EPHB1: variants seen among roughly 807,000 people sequenced by gnomAD.
EPHB1 encodes ephrin type-B receptor 1.
In EPHB1, 30 loss-of-function variants were observed where a neutral mutation model predicts 94.4. The ratio of observed to expected loss-of-function variants is 0.32; its 90% CI spans 0.24 to 0.43. The LOEUF is 0.43. EPHB1 is among the 20% of genes least tolerant of loss of function. EPHB1 has a pLI of 1.00. For synonymous variants in EPHB1, 522 were observed against 489.1 expected, an observed-to-expected ratio of 1.07 and a Z score of -0.89; for missense variants, 1,055 against 1,308.3, an observed-to-expected ratio of 0.81 and a Z score of 2.99.
At chr3:135,241,593 C>G (rs1402778693) in intron 13 of EPHB1, among the ~76,000 whole-genome samples, 1 of 152,164 alleles carries the variant, frequency 6.6e-6, no homozygotes, top group African/African-American at 2.4e-5. Flanking sequence ...TAGATCAGCC[C>G]CAAATTAAGC....
chr3:135,064,965 A>T (rs144143659), intron 3 of EPHB1, among the ~76,000 whole-genome samples: 1 of 152,076 alleles, frequency 6.6e-6, no homozygotes, highest in African/African-American at 2.4e-5. Flanking sequence ...TTTTGACCCA[A>T]TGCTCATTCA....
intron 3 of EPHB1, among the ~76,000 whole-genome samples, chr3:135,071,352 A>G (rs925335570): frequency 6.6e-6 from 1 of 152,236 alleles, no homozygotes; most frequent in Non-Finnish European, 1.5e-5. Flanking sequence ...AGACAGGTAC[A>G]GATTTGGGAG....
chr3:135,149,352 G>A (rs895915098), intron 5 of EPHB1, among the ~76,000 whole-genome samples: 5 of 152,156 alleles, frequency 3.3e-5, no homozygotes, highest in Non-Finnish European at 7.4e-5. Flanking sequence ...CTTCATCTGA[G>A]GAATATAGAG....
At chr3:134,858,023 C>A (rs1056414197) in intron 1 of EPHB1, among the ~76,000 whole-genome samples, 1 of 152,168 alleles carries the variant, frequency 6.6e-6, no homozygotes, top group African/African-American at 2.4e-5. Context: ...AAGCATGGCA[C>A]CACCTTAGCA....
At chr3:134,807,557 A>G (rs1157535055) in intron 1 of EPHB1, among the ~76,000 whole-genome samples, 1 of 147,890 alleles carries the variant, frequency 6.8e-6, no homozygotes, top group Non-Finnish European at 1.5e-5. Flanking sequence ...GAGAGGGGAG[A>G]GAGAGAGAGA....
At chr3:135,251,975 G>C (rs1452814062) in intron 15 of EPHB1, among the ~76,000 whole-genome samples, 1 of 152,078 alleles carries the variant, frequency 6.6e-6, no homozygotes, top group Non-Finnish European at 1.5e-5. Context: ...GTGTGACCTT[G>C]AGCACATTAC....
rs77586222 is a variant in EPHB1, at chr3:135,180,795, G to A, written c.1882+813G>A. On this transcript the variant is annotated intron_variant, in intron 10 of 15. Coordinates refer to ENST00000398015, the MANE Select transcript of EPHB1 (RefSeq NM_004441.5). ...TCACTAAAAGAAATCTCATTCCTGC[G>A]TCTTATGAACCTTTTTAAAAGATGT... is the stretch of plus-strand genomic sequence containing the variant. Among the ~76,000 whole-genome samples, 753 of 152,240 alleles carry A rather than the reference G, an allele frequency of 4.9e-3. 7 individuals are homozygous for A. Among genetic ancestry groups the A allele is most frequent in the African/African-American group, 0.017 (690 of 41,548 alleles).
rs536029159 is a variant in EPHB1, at chr3:134,925,861, C to G, written c.104C>G (p.Thr35Arg). ...TRTATAELGW[T>R]ANPASGWEEV... ...ACGGCTACTGCAGAGCTGGGCTGGACGGCCAATCCTGCGTCCGGGGTGAGT... is the reference window on the plus strand; with the variant it reads ...ACGGCTACTGCAGAGCTGGGCTGGAGGGCCAATCCTGCGTCCGGGGTGAGT... The change falls in exon 2 of 16, where the codon ACG becomes AGG. Residue 35 changes from threonine (T) to arginine (R), a missense_variant. Coordinates refer to ENST00000398015, the MANE Select transcript of EPHB1 (RefSeq NM_004441.5). The G allele has an allele frequency of 2.5e-6, 4 of 1,605,082 alleles. No homozygotes were observed. The highest frequency in any genetic ancestry group is 3.4e-6 in the Non-Finnish European group (4 of 1,175,572).
At chr3:134,828,385 A>G (rs1011516440) in intron 1 of EPHB1, among the ~76,000 whole-genome samples, 5 of 152,236 alleles carry the variant, frequency 3.3e-5, no homozygotes, top group African/African-American at 1.2e-4. Flanking sequence ...AAAATGGAGC[A>G]TTTTAGGCTG....
At chr3:134,854,470 A>G (rs1036543440) in intron 1 of EPHB1, among the ~76,000 whole-genome samples, 1 of 152,106 alleles carries the variant, frequency 6.6e-6, no homozygotes. Context: ...GTGAGATGCC[A>G]TCAGCCCGCA....
At chr3:135,204,592 C>A (rs142152288) in intron 12 of EPHB1, among the ~76,000 whole-genome samples, 1 of 151,976 alleles carries the variant, frequency 6.6e-6, no homozygotes, top group African/African-American at 2.4e-5. Context: ...CTTCCGCCTC[C>A]TGGGTTCAAG....
intron 1 of EPHB1, among the ~76,000 whole-genome samples, chr3:134,884,528 G>A (rs1451035121): frequency 6.6e-6 from 1 of 152,160 alleles, no homozygotes; most frequent in East Asian, 1.9e-4. Flanking sequence ...AGAGAATATG[G>A]TGGCTTATAA....
intron 3 of EPHB1, among the ~76,000 whole-genome samples, chr3:135,048,244 C>CT (rs1937061931): frequency 1.2e-5 from 1 of 81,092 alleles, no homozygotes; most frequent in Non-Finnish European, 2.5e-5. Context: ...TTTTCTTTTT[C>CT]TTTCTTTCTT....
intron 1 of EPHB1, among the ~76,000 whole-genome samples, chr3:134,925,463 A>G (rs1278832858): frequency 6.6e-6 from 1 of 152,222 alleles, no homozygotes; most frequent in East Asian, 1.9e-4. Context: ...GCCCTGGCAG[A>G]ATCTCTGGGA....
chr3:134,839,124 A>G (rs1455064553), intron 1 of EPHB1, among the ~76,000 whole-genome samples: 1 of 152,140 alleles, frequency 6.6e-6, no homozygotes, highest in African/African-American at 2.4e-5. Context: ...TATTGTTTCT[A>G]TTTTACACAT....
intron 11 of EPHB1, among the ~76,000 whole-genome samples, chr3:135,198,246 A>G (rs1433564398): frequency 6.6e-6 from 1 of 152,182 alleles, no homozygotes; most frequent in Non-Finnish European, 1.5e-5. Context: ...ACCATTCTGA[A>G]CTTTGATTAC....
intron 1 of EPHB1, among the ~76,000 whole-genome samples, chr3:134,908,791 C>T (rs757299970): frequency 6.6e-6 from 1 of 152,076 alleles, no homozygotes; most frequent in African/African-American, 2.4e-5. Context: ...TGAGGAAGGG[C>T]ACCTACAGCA....
intron 1 of EPHB1, among the ~76,000 whole-genome samples, chr3:134,807,337 A>G (rs2036081993): frequency 6.6e-6 from 1 of 152,218 alleles, no homozygotes; most frequent in East Asian, 1.9e-4. Flanking sequence ...GAGCTCACTG[A>G]TTAATAGACT....
At chr3:134,858,550 G>T (rs956711996) in intron 1 of EPHB1, among the ~76,000 whole-genome samples, 1 of 152,160 alleles carries the variant, frequency 6.6e-6, no homozygotes, top group Non-Finnish European at 1.5e-5. Flanking sequence ...TCCATCAGCA[G>T]CCCACAGAGC....
Sources: gnomAD v4.1 joint callset for allele counts (sites outside exome capture counted in the v4.1 genomes callset) on GRCh38, gnomAD v4.1.1 for gene constraint, MANE v1.5 for transcripts, NCBI Gene and HGNC (gene_info 2026-07-23, HGNC 2026-07-21) for gene names.